The following XPC variants were observed in gnomAD, a reference collection of about 807,000 sequenced individuals.
XPC encodes XPC complex subunit, DNA damage recognition and repair factor, also known as DNA repair protein complementing XP-C cells.
Under a neutral mutation model 95.8 loss-of-function variants are expected in XPC, and 76 were observed. The observed-to-expected ratio is 0.79, with a 90% CI of 0.66 to 0.96. The LOEUF (loss-of-function observed/expected upper bound fraction) is 0.96. Among genes scored for constraint, XPC ranks in the 40% least tolerant of loss-of-function variants. The probability of loss-of-function intolerance (pLI) is 0.00; values close to 1 mark genes in which losing one functional copy is unlikely to be tolerated. For missense variants in XPC, 1,146 were observed against 1,179.8 expected (o/e 0.97, Z 0.42); for synonymous variants, 442 against 442.1 (o/e 1.00, Z 0.00).
At chr3:14,156,990 A>G (rs1360960982) in intron 9 of XPC, among the ~76,000 whole-genome samples, 4 of 152,164 alleles carry the variant, frequency 2.6e-5, no homozygotes, top group Non-Finnish European at 5.9e-5. Flanking sequence ...TCAGTAGGCA[A>G]TTCACTGCTG....
chr3:14,155,727 T>C (rs1383524387), intron 10 of XPC, among the ~76,000 whole-genome samples: 1 of 152,000 alleles, frequency 6.6e-6, no homozygotes, highest in Non-Finnish European at 1.5e-5. Context: ...CCCGGCTAAT[T>C]TTTTGTATTT....
Position 14,167,175 on chromosome 3 carries a change from T to A in XPC, c.615A>T (p.Thr205=), listed in dbSNP as rs1266297604. 1 of 1,604,026 alleles carries A rather than the reference T, an allele frequency of 6.2e-7. No individual in the cohort carries two copies. Residue 205 remains threonine, a synonymous_variant, in exon 5 of 16, where the codon ACA becomes ACT. Coordinates refer to ENST00000285021, the MANE Select transcript of XPC (RefSeq NM_004628.5). The stretch of plus-strand genomic sequence containing the variant: ...CATCATTCCTTGCCCTTACCTTGTG[T>A]GTGTCCTCATGGACCCCTTTATTGA... ...KRFNKGVHED[T]HKVHLLCLLA...
Position 14,145,376 on chromosome 3 carries a change from A to C in XPC, c.*565T>G, listed in dbSNP as rs538789958. On this transcript the variant is annotated 3_prime_UTR_variant, in exon 16 of 16. Coordinates refer to ENST00000285021, the MANE Select transcript of XPC (RefSeq NM_004628.5). The stretch of plus-strand genomic sequence containing the variant: ...GTTACTTGGAAAACTAGATCCCAGC[A>C]GATGACCTGTACTTCTCTGCTCTCT... 8.4e-5 allele frequency: 59 copies of C among 700,210 alleles called. No individual in the cohort carries two copies. Among genetic ancestry groups the C allele is most frequent in the Non-Finnish European group, 1.5e-4 (56 of 384,718 alleles). 43.4% of individuals were successfully genotyped at this position (700,210 alleles called of 1,614,324 possible). A position where few individuals can be genotyped will look rare whatever the true frequency, so the allele number is the denominator to read the frequency against.
intron 7 of XPC, among the ~76,000 whole-genome samples, chr3:14,163,847 G>A (rs1431389516): frequency 6.6e-6 from 1 of 152,202 alleles, no homozygotes; most frequent in African/African-American, 2.4e-5. Context: ...TGAGTTACCA[G>A]CCTGGCCAAC....
chr3:14,166,531 C>T (rs555775550), intron 5 of XPC, among the ~76,000 whole-genome samples: 1 of 150,674 alleles, frequency 6.6e-6, no homozygotes, highest in Non-Finnish European at 1.5e-5. Context: ...CCCCCCAACA[C>T]CTACATACTC....
chr3:14,149,785 A>G (rs1472815177), intron 11 of XPC: 1 of 152,142 alleles, frequency 6.6e-6, no homozygotes, highest in African/African-American at 2.4e-5. Context: ...ATATGTTATT[A>G]TTTAATTTTT....
intron 1 of XPC, among the ~76,000 whole-genome samples, chr3:14,176,125 T>G (rs888013332): frequency 6.6e-6 from 1 of 152,162 alleles, no homozygotes; most frequent in Non-Finnish European, 1.5e-5. Context: ...GGCTAAAACA[T>G]TTGTCCAAAA....
intron 11 of XPC, 97 bp downstream of exon 11, chr3:14,152,238 A>C (rs56169796): frequency 9.8e-7 from 1 of 1,016,728 alleles, no homozygotes; most frequent in East Asian, 2.8e-5. Context: ...CCTGGGCAGG[A>C]CTGGGAGGCT....
chr3:14,176,378 C>T (rs1488068765), intron 1 of XPC, among the ~76,000 whole-genome samples: 3 of 152,232 alleles, frequency 2.0e-5, no homozygotes, highest in South Asian at 2.1e-4. Context: ...TCCCCGATCA[C>T]GCCAGTCAAA....
intron 4 of XPC, among the ~76,000 whole-genome samples, chr3:14,167,483 C>T (rs532865907): frequency 6.6e-6 from 1 of 152,324 alleles, no homozygotes; most frequent in Admixed American, 6.5e-5. Context: ...CAACCCTCCT[C>T]TCAACCAGCA....
At chr3:14,152,686 TCTC>T (rs975044563) in intron 10 of XPC, 15 of 390,822 alleles carry the variant, frequency 3.8e-5, no homozygotes, top group African/African-American at 1.5e-4. Flanking sequence ...TAGGTTTTCT[TCTC>T]CTCTGCTGTC....
At chr3:14,171,319 ACT>A (rs1053930434) in intron 2 of XPC, among the ~76,000 whole-genome samples, 4 of 151,894 alleles carry the variant, frequency 2.6e-5, no homozygotes, top group South Asian at 2.1e-4. Context: ...CTAATAATAC[ACT>A]CTTTTTTTAG....
intron 11 of XPC, among the ~76,000 whole-genome samples, chr3:14,149,208 T>C (rs547120019): frequency 7.2e-5 from 11 of 151,976 alleles, no homozygotes; most frequent in Non-Finnish European, 1.3e-4. Context: ...CTCAGCCTCC[T>C]GAGTAGCTGG....
In XPC at chr3:14,145,280, T is replaced by G; in HGVS notation, c.*661A>C. On this transcript the variant is annotated 3_prime_UTR_variant, in exon 16 of 16. Coordinates refer to ENST00000285021, the MANE Select transcript of XPC (RefSeq NM_004628.5). ...CTCATCTATTTTACTAACATTTCCT[T>G]AATTTTCAATTCGTATTTTTCCTTT... is the stretch of plus-strand genomic sequence containing the variant. 1.4e-6 allele frequency: 1 copy of G among 696,062 alleles called. No individual in the cohort carries two copies. The highest frequency in any genetic ancestry group is 1.5e-5 in the South Asian group (1 of 66,854). The allele number at this position is 696,062 out of a possible 1,614,324, so 43.1% of individuals were successfully genotyped here.
chr3:14,170,311 C>A, intron 3 of XPC, 127 bp downstream of exon 3: 2 of 866,482 alleles, frequency 2.3e-6, no homozygotes, highest in Non-Finnish European at 3.6e-6. Flanking sequence ...CTAGTACAAC[C>A]TTATCTGTGG....
chr3:14,146,044 T>A lies in XPC; in HGVS notation c.2720A>T (p.Asn907Ile). 2 of 1,612,850 alleles carry A rather than the reference T, an allele frequency of 1.2e-6. No homozygotes were observed. The highest frequency in any genetic ancestry group is 2.2e-5 in the South Asian group (2 of 90,974). Residue 907 changes from asparagine to isoleucine, a missense_variant, in exon 16 of 16, where the codon AAC becomes ATC. By Grantham distance (149) the Asn-to-Ile change is moderately radical. Coordinates refer to ENST00000285021, the MANE Select transcript of XPC (RefSeq NM_004628.5). ...CTTCTGCTTTTCTTCATCTTCTCGGTTTTGAGGCCAGGAGGCAGCCAGTAT... is the reference window on the plus strand; with the variant it reads ...CTTCTGCTTTTCTTCATCTTCTCGGATTTGAGGCCAGGAGGCAGCCAGTAT... ...ARILAASWPQ[N>I]REDEEKQKLK...
chr3:14,173,574 C>A (rs1372297397), intron 1 of XPC, among the ~76,000 whole-genome samples: 1 of 152,134 alleles, frequency 6.6e-6, no homozygotes, highest in African/African-American at 2.4e-5. Context: ...TCCAATGTAA[C>A]CCAAATGGCA....
At position 14,165,548 on chromosome 3, in the gene XPC, C is replaced by T. The variant is rs778771038; in HGVS notation, c.659G>A (p.Arg220Gln). 8 of 1,612,570 alleles carry T rather than the reference C, an allele frequency of 5.0e-6. No individual in the cohort carries two copies. In the East Asian group the frequency reaches 6.7e-5, roughly 13 times the overall value. ...ATCTGGCTGGCTGCAGATGTTATTTCGATAGAAGCCATTTGCTAGCAGGCA... is the reference window on the plus strand; with the variant it reads ...ATCTGGCTGGCTGCAGATGTTATTTTGATAGAAGCCATTTGCTAGCAGGCA... ...LLCLLANGFY[R>Q]NNICSQPDLH... Residue 220 changes from arginine to glutamine, a missense_variant, in exon 6 of 16, where the codon CGA becomes CAA. Arg to Gln is a conservative substitution (Grantham distance 43). Coordinates refer to ENST00000285021, the MANE Select transcript of XPC (RefSeq NM_004628.5).
chr3:14,169,808 G>A (rs1696538085), intron 3 of XPC, among the ~76,000 whole-genome samples: 2 of 152,160 alleles, frequency 1.3e-5, no homozygotes, highest in Admixed American at 1.3e-4. Context: ...ATGAACCTAG[G>A]TGAAGGACAT....
Sources: allele counts gnomAD v4.1 joint callset (sites outside exome capture counted in the v4.1 genomes callset), GRCh38; gene constraint gnomAD v4.1.1; transcripts MANE v1.5; gene names NCBI Gene and HGNC (gene_info 2026-07-23, HGNC 2026-07-21).